SHC3: variants seen among roughly 807,000 people sequenced by gnomAD.
SHC3 encodes SHC adaptor protein 3.
Under a neutral mutation model 60.4 loss-of-function variants are expected in SHC3, and 15 were observed. That is an observed-to-expected ratio of 0.25 (90% confidence interval 0.17 to 0.38). SHC3 has a LOEUF of 0.38. SHC3 is among the 10% of genes least tolerant of loss of function. The probability of loss-of-function intolerance (pLI) is 1.00; values close to 1 mark genes in which losing one functional copy is unlikely to be tolerated. For synonymous variants in SHC3, 294 were observed against 325.9 expected, an observed-to-expected ratio of 0.90 and a Z score of 1.05; for missense variants, 677 against 786.1, an observed-to-expected ratio of 0.86 and a Z score of 1.66.
At chr9:89,096,034 C>T (rs1020012298) in intron 2 of SHC3, among the ~76,000 whole-genome samples, 22 of 152,296 alleles carry the variant, frequency 1.4e-4, no homozygotes, top group African/African-American at 4.8e-4. Context: ...TCAGAAAGTG[C>T]TGCCTCAGAT....
rs1390881879 is a variant in SHC3, at chr9:89,010,231, T to C, written c.*3216A>G. 1 of 152,224 alleles carries C rather than the reference T, an allele frequency of 6.6e-6. No individual in the cohort carries two copies. Among genetic ancestry groups the C allele is most frequent in the African/African-American group, 2.4e-5 (1 of 41,452 alleles). The allele number at this position is 152,224 out of a possible 1,614,324, so 9.4% of individuals were successfully genotyped here. ...GCCCAGTCTTTGGGTGCTTCAAATA[T>C]AAAAAACAGCAACAGTGGTGTCTTA... is the stretch of plus-strand genomic sequence containing the variant. On this transcript the variant is annotated 3_prime_UTR_variant, in exon 12 of 12. Coordinates refer to ENST00000375835, the MANE Select transcript of SHC3 (RefSeq NM_016848.6).
At chr9:89,154,629 A>C (rs1044290396) in intron 1 of SHC3, among the ~76,000 whole-genome samples, 2 of 152,164 alleles carry the variant, frequency 1.3e-5, no homozygotes, top group Non-Finnish European at 2.9e-5. Context: ...TCTCATTTAA[A>C]TCTCTCCTCT....
chr9:89,088,048 C>A (rs1825561321), intron 2 of SHC3, among the ~76,000 whole-genome samples: 1 of 152,202 alleles, frequency 6.6e-6, no homozygotes, highest in South Asian at 2.1e-4. Flanking sequence ...CTTTCCAGGT[C>A]TTTTCCTGAC....
At chr9:89,135,812 A>G (rs1826310913) in intron 1 of SHC3, among the ~76,000 whole-genome samples, 1 of 152,176 alleles carries the variant, frequency 6.6e-6, no homozygotes, top group South Asian at 2.1e-4. Flanking sequence ...AATTCTCAGC[A>G]TATACTGGAA....
intron 6 of SHC3, among the ~76,000 whole-genome samples, chr9:89,063,193 G>A (rs574178863): frequency 3.9e-5 from 6 of 152,222 alleles, no homozygotes; most frequent in African/African-American, 9.6e-5. Context: ...GCAGTGGTGC[G>A]ATCTCGGCTC....
rs1214596340 is a variant in SHC3 at position 89,024,710 on chromosome 9, C to G, written c.1657-11135G>C. Reference sequence around the variant, plus strand: ...ACATTTGCTATTCCTATTTTCTTACCCACACTGCACAGTTTAACCTTACAC... The same window carrying G: ...ACATTTGCTATTCCTATTTTCTTACGCACACTGCACAGTTTAACCTTACAC... On this transcript the variant is annotated intron_variant, in intron 11 of 11. Coordinates refer to ENST00000375835, the MANE Select transcript of SHC3 (RefSeq NM_016848.6). Among the ~76,000 whole-genome samples, 5 of 152,302 alleles carry G rather than the reference C, an allele frequency of 3.3e-5. No individual in the cohort carries two copies. In the East Asian group the frequency reaches 9.6e-4, roughly 29 times the overall value.
Position 89,152,493 on chromosome 9 carries a change from C to G in SHC3, c.474+25494G>C, listed in dbSNP as rs55803422. Among the ~76,000 whole-genome samples the G allele has an allele frequency of 7.7e-3, 1,175 of 152,312 alleles. 15 individuals are homozygous for G. Among genetic ancestry groups the G allele is most frequent in the African/African-American group, 0.026 (1,084 of 41,554 alleles). The stretch of plus-strand genomic sequence containing the variant: ...GGTCCACCATAGACATCCTCAATAT[C>G]TATGTCCAACTGTCTTAGCAAGTCC... On this transcript the variant is annotated intron_variant, in intron 1 of 11. Transcript: ENST00000375835.
intron 2 of SHC3, among the ~76,000 whole-genome samples, chr9:89,110,904 A>T (rs991720926): frequency 6.6e-6 from 1 of 152,194 alleles, no homozygotes; most frequent in Non-Finnish European, 1.5e-5. Context: ...TGTTATTATT[A>T]CTTCTGTCCA....
chr9:89,158,614 T>C (rs948079602), intron 1 of SHC3, among the ~76,000 whole-genome samples: 10 of 152,232 alleles, frequency 6.6e-5, no homozygotes. Context: ...GTGGTATCAA[T>C]TACTAGATTA....
At chr9:89,128,529 C>T (rs754525870) in intron 1 of SHC3, among the ~76,000 whole-genome samples, 17 of 152,070 alleles carry the variant, frequency 1.1e-4, no homozygotes, top group Admixed American at 2.6e-4. Flanking sequence ...TCATACAGCT[C>T]GGTGCCCCTC....
chr9:89,082,727 C>T (rs752596291), intron 2 of SHC3, among the ~76,000 whole-genome samples: 11 of 152,140 alleles, frequency 7.2e-5, no homozygotes, highest in Admixed American at 4.6e-4. Context: ...TGGAGTCCTC[C>T]TATGCCCCAC....
chr9:89,017,651 T>C (rs1826119188), intron 11 of SHC3, among the ~76,000 whole-genome samples: 1 of 151,914 alleles, frequency 6.6e-6, no homozygotes. Flanking sequence ...ACAAATGGGA[T>C]CTAATTAAAC....
At chr9:89,110,396 T>C (rs1825929518) in intron 2 of SHC3, 1 of 985,080 alleles carries the variant, frequency 1.0e-6, no homozygotes, top group Non-Finnish European at 1.2e-6. Context: ...GGACATTAGA[T>C]TTCCCTATAA....
At chr9:89,079,309 T>A (rs1825410088) in intron 2 of SHC3, among the ~76,000 whole-genome samples, 1 of 152,240 alleles carries the variant, frequency 6.6e-6, no homozygotes, top group Non-Finnish European at 1.5e-5. Flanking sequence ...CAGAACTATA[T>A]AAACCCATTA....
chr9:89,080,911 C>T (rs1480088675), intron 2 of SHC3, among the ~76,000 whole-genome samples: 2 of 151,620 alleles, frequency 1.3e-5, no homozygotes, highest in Non-Finnish European at 2.9e-5. Context: ...GGACTGCAGG[C>T]GCCGGCCACC....
intron 2 of SHC3, chr9:89,088,767 C>G (rs796794985): frequency 1.3e-5 from 2 of 152,222 alleles, no homozygotes; most frequent in African/African-American, 4.8e-5. Flanking sequence ...GAGGAGGGTA[C>G]AGGGGAGAGG....
chr9:89,127,032 G>T (rs76668223), intron 1 of SHC3, among the ~76,000 whole-genome samples: 2 of 152,280 alleles, frequency 1.3e-5, no homozygotes, highest in Non-Finnish European at 2.9e-5. Context: ...GCAGTTAAAA[G>T]CCTTTGCAAG....
chr9:89,075,057 A>T, intron 4 of SHC3, 52 bp downstream of exon 4: 3 of 1,589,340 alleles, frequency 1.9e-6, no homozygotes, highest in African/African-American at 2.7e-5. Flanking sequence ...CCTGCGAAAC[A>T]CTCATCACCT....
At chr9:89,126,762 T>C (rs915957839) in intron 1 of SHC3, among the ~76,000 whole-genome samples, 15 of 152,192 alleles carry the variant, frequency 9.9e-5, no homozygotes, top group Non-Finnish European at 2.9e-5. Context: ...TTTTGATTCA[T>C]TGGAAAAAGG....
Sources: gnomAD v4.1 joint callset for allele counts (sites outside exome capture counted in the v4.1 genomes callset) on GRCh38, gnomAD v4.1.1 for gene constraint, MANE v1.5 for transcripts, NCBI Gene and HGNC (gene_info 2026-07-23, HGNC 2026-07-21) for gene names.